Variants in VPS13B observed in about 807,000 individuals in gnomAD.
The protein encoded by VPS13B is vacuolar protein sorting 13 homolog B.
A neutral mutation model predicts 426.4 loss-of-function variants in VPS13B; 285 were observed. That is an observed-to-expected ratio of 0.67 (90% CI 0.61 to 0.74). The LOEUF (loss-of-function observed/expected upper bound fraction) is 0.74. Ranked by LOEUF, VPS13B falls within the 30% of genes least tolerant of loss-of-function variation. VPS13B has a pLI of 0.00. For missense variants in VPS13B, 4,537 were observed against 4,782.6 expected (o/e 0.95, Z 1.51); for synonymous variants, 1,676 against 1,676.4 (o/e 1.00, Z 0.01).
chr8:99,233,472 G>A, intron 17 of VPS13B: 1 of 1,346,412 alleles, frequency 7.4e-7, no homozygotes. Context: ...CCTGGGTTGG[G>A]ATGAAGAGAT....
intron 25 of VPS13B, among the ~76,000 whole-genome samples, chr8:99,496,624 C>T (rs1820898534): frequency 6.6e-6 from 1 of 152,004 alleles, no homozygotes; most frequent in South Asian, 2.1e-4. Flanking sequence ...GCACTCCACC[C>T]TGGGCGACAC....
chr8:99,812,426 A>G (rs1813758588), intron 44 of VPS13B, among the ~76,000 whole-genome samples: 1 of 152,166 alleles, frequency 6.6e-6, no homozygotes, highest in Non-Finnish European at 1.5e-5. Flanking sequence ...GAAATTTGCA[A>G]TAAACTGCAG....
At chr8:99,029,810 G>A (rs943963205) in intron 2 of VPS13B, among the ~76,000 whole-genome samples, 8 of 142,488 alleles carry the variant, frequency 5.6e-5, no homozygotes, top group Non-Finnish European at 1.1e-4. Flanking sequence ...AGAGGGAGAC[G>A]GAGAGGGAGA....
intron 17 of VPS13B, among the ~76,000 whole-genome samples, chr8:99,204,091 G>C (rs1489262498): frequency 3.9e-5 from 6 of 152,082 alleles, no homozygotes. Flanking sequence ...AGGCATCATG[G>C]TACCTGACTT....
chr8:99,646,909 G>A (rs1310578084), intron 34 of VPS13B, among the ~76,000 whole-genome samples: 5 of 152,074 alleles, frequency 3.3e-5, no homozygotes, highest in Non-Finnish European at 5.9e-5. Flanking sequence ...AAGCCAAGCA[G>A]ATGTTAGTGC....
chr8:99,850,961 T>C (rs545730553), intron 55 of VPS13B, among the ~76,000 whole-genome samples: 2 of 152,114 alleles, frequency 1.3e-5, no homozygotes, highest in Admixed American at 6.6e-5. Flanking sequence ...ACAAAAAAAG[T>C]TTATTGCTTC....
intron 35 of VPS13B, among the ~76,000 whole-genome samples, chr8:99,685,896 T>C (rs1831375266): frequency 6.6e-6 from 1 of 152,202 alleles, no homozygotes; most frequent in Non-Finnish European, 1.5e-5. Flanking sequence ...TGGATGGTTT[T>C]CATGCTTGTG....
intron 3 of VPS13B, among the ~76,000 whole-genome samples, chr8:99,053,297 C>T (rs773265907): frequency 2.0e-5 from 3 of 152,182 alleles, no homozygotes; most frequent in East Asian, 1.9e-4. Flanking sequence ...CCGCTCCCCG[C>T]ACCCCACAAC....
intron 19 of VPS13B, among the ~76,000 whole-genome samples, chr8:99,302,982 A>G (rs1345460498): frequency 1.3e-5 from 2 of 152,130 alleles, no homozygotes; most frequent in African/African-American, 4.8e-5. Flanking sequence ...TTTGTTGTTT[A>G]AAACTAGTTT....
intron 17 of VPS13B, among the ~76,000 whole-genome samples, chr8:99,235,610 G>A (rs1462899954): frequency 1.3e-5 from 2 of 152,060 alleles, no homozygotes; most frequent in African/African-American, 2.4e-5. Context: ...TAATAATTTA[G>A]TAGGCTGCAT....
chr8:99,166,424 C>T (rs1389979005), intron 15 of VPS13B, among the ~76,000 whole-genome samples: 2 of 152,176 alleles, frequency 1.3e-5, no homozygotes, highest in African/African-American at 2.4e-5. Flanking sequence ...TGCTTGTAGG[C>T]TATCCCGGAA....
rs200230991 is a variant in VPS13B, at chr8:99,426,041, A to C, written c.3083-5496A>C. On this transcript the variant is annotated intron_variant, in intron 21 of 61. Transcript: ENST00000357162. ...TCGTCATCTAGCATTAGGTATATCT[A>C]CCAATGCTATCCCTCCCCCCCTCCC... 1.5e-4 allele frequency among the ~76,000 whole-genome samples: 22 copies of C among 145,246 alleles called. No homozygotes were observed. In the East Asian group the frequency reaches 3.9e-3, roughly 26 times the overall value.
intron 35 of VPS13B, among the ~76,000 whole-genome samples, chr8:99,668,355 CA>C (rs35852232): frequency 0.19 from 18,035 of 94,630 alleles, 1,487 homozygotes; most frequent in East Asian, 0.46. Context: ...GACCCTGTCT[CA>C]AAAAAAAAAA....
At chr8:99,768,422 C>A (rs1811333891) in intron 40 of VPS13B, among the ~76,000 whole-genome samples, 1 of 152,124 alleles carries the variant, frequency 6.6e-6, no homozygotes, top group Non-Finnish European at 1.5e-5. Context: ...ACTTTGTATT[C>A]CAGTTCCTAC....
chr8:99,776,666 T>A, intron 40 of VPS13B, 109 bp from the exon 41 acceptor site: 1 of 991,082 alleles, frequency 1.0e-6, no homozygotes, highest in East Asian at 2.4e-5. Flanking sequence ...AAATATTGAC[T>A]ATAGGATTTT....
intron 41 of VPS13B, 89 bp downstream of exon 41, chr8:99,777,045 G>A: frequency 2.0e-6 from 3 of 1,477,062 alleles, no homozygotes; most frequent in East Asian, 2.3e-5. Flanking sequence ...AACAATCTTA[G>A]ATAATGTATT....
chr8:99,383,409 A>G (rs1813938436), intron 19 of VPS13B, among the ~76,000 whole-genome samples: 1 of 152,182 alleles, frequency 6.6e-6, no homozygotes, highest in East Asian at 1.9e-4. Flanking sequence ...CAGGGCCAAT[A>G]TAAAAATTGT....
chr8:99,875,651 G>C lies in VPS13B; in HGVS notation c.11979G>C (p.Arg3993Ser). 1 of 1,614,150 alleles carries C rather than the reference G, an allele frequency of 6.2e-7. No homozygotes were observed. Among genetic ancestry groups the C allele is most frequent in the East Asian group, 2.2e-5 (1 of 44,886 alleles). ...CCATGGTGAAAAATAAAGCCCTGAG[G>C]AAAGGGTTTCCTTGAGTCCCCTCTG... Reference protein sequence around the residue: ...KFTMVKNKALRKGFP With the variant: ...KFTMVKNKALSKGFP Residue 3993 changes from arginine to serine, a missense_variant, in exon 62 of 62, where the codon AGG (arginine) becomes AGC (serine). Coordinates refer to ENST00000357162, the MANE Select transcript of VPS13B (RefSeq NM_152564.5).
intron 5 of VPS13B, among the ~76,000 whole-genome samples, chr8:99,108,200 G>C (rs1388586552): frequency 1.3e-5 from 2 of 152,168 alleles, no homozygotes; most frequent in Non-Finnish European, 2.9e-5. Flanking sequence ...TGGCTATGTA[G>C]TATTCGATGG....
Sources: allele counts gnomAD v4.1 joint callset (sites outside exome capture counted in the v4.1 genomes callset), GRCh38; gene constraint gnomAD v4.1.1; transcripts MANE v1.5; gene names NCBI Gene and HGNC (gene_info 2026-07-23, HGNC 2026-07-21).